The following ZDHHC2 variants were observed in gnomAD, a reference collection of about 807,000 sequenced individuals.
The protein encoded by ZDHHC2 is zDHHC palmitoyltransferase 2.
Under a neutral mutation model 55.6 loss-of-function variants are expected in ZDHHC2, and 51 were observed. The ratio of observed to expected loss-of-function variants is 0.92; its 90% CI spans 0.73 to 1.16. The LOEUF (loss-of-function observed/expected upper bound fraction) is 1.16. Ranked by LOEUF, ZDHHC2 falls within the 50% of genes most tolerant of loss-of-function variation. The pLI is 0.00. For missense variants in ZDHHC2, 491 were observed against 442.4 expected, an observed-to-expected ratio of 1.11 and a Z score of -0.99; for synonymous variants, 199 against 152.9, an observed-to-expected ratio of 1.30 and a Z score of -2.22.
intron 6 of ZDHHC2, among the ~76,000 whole-genome samples, chr8:17,204,128 T>C (rs1306852525): frequency 6.6e-6 from 1 of 152,224 alleles, no homozygotes; most frequent in Non-Finnish European, 1.5e-5. Flanking sequence ...CTTTATAAAT[T>C]ATTTGCCCAT....
chr8:17,156,980 C>G (rs1275286025), intron 1 of ZDHHC2, 127 bp downstream of exon 1: 21 of 841,220 alleles, frequency 2.5e-5, no homozygotes, highest in Non-Finnish European at 2.5e-5. Context: ...CTGCCGCGTC[C>G]CGCCGGCTCC....
intron 6 of ZDHHC2, among the ~76,000 whole-genome samples, chr8:17,204,293 C>T (rs965005260): frequency 2.0e-5 from 3 of 152,074 alleles, no homozygotes; most frequent in African/African-American, 7.2e-5. Flanking sequence ...GTAGCTAAGT[C>T]AATGGAGAGT....
At position 17,208,088 on chromosome 8, in the gene ZDHHC2, A is replaced by T. The variant is rs781736952; in HGVS notation, c.726A>T (p.Thr242=). The change falls in exon 8 of 13, where the codon ACA becomes ACT. Residue 242 remains threonine, a synonymous_variant. Coordinates refer to ENST00000262096, the MANE Select transcript of ZDHHC2 (RefSeq NM_016353.5). The part of the protein sequence containing the change: ...HCWLVSKNKS[T]LEAFRSPVFR... Reference sequence around the variant, plus strand: ...GGCTAGTCAGCAAAAATAAATCTACATTAGGTGAGTATCCAATTATTGTAG... The same window carrying T: ...GGCTAGTCAGCAAAAATAAATCTACTTTAGGTGAGTATCCAATTATTGTAG... The T allele has an allele frequency of 6.4e-7, 1 of 1,564,972 alleles. No homozygotes were observed. The highest frequency in any genetic ancestry group is 8.7e-7 in the Non-Finnish European group (1 of 1,153,216).
At chr8:17,172,321 G>C (rs1021088593) in intron 1 of ZDHHC2, among the ~76,000 whole-genome samples, 1 of 152,090 alleles carries the variant, frequency 6.6e-6, no homozygotes, top group East Asian at 1.9e-4. Context: ...CTTTTAATTC[G>C]TCTCAAAGTG....
intron 6 of ZDHHC2, 130 bp from the exon 7 acceptor site, chr8:17,205,525 A>T (rs1807056232): frequency 3.7e-6 from 4 of 1,086,418 alleles, no homozygotes; most frequent in Non-Finnish European, 3.8e-6. Context: ...GCATAAAGAA[A>T]TCTTATGAGT....
At chr8:17,191,847 G>A (rs1011552914) in intron 3 of ZDHHC2, among the ~76,000 whole-genome samples, 1 of 152,146 alleles carries the variant, frequency 6.6e-6, no homozygotes, top group Non-Finnish European at 1.5e-5. Context: ...CAGTAGAATT[G>A]CTGGGTCATA....
At chr8:17,199,559 GTCT>G (rs1377031087) in intron 6 of ZDHHC2, among the ~76,000 whole-genome samples, 1,436 of 54,022 alleles carry the variant, frequency 0.027, 90 homozygotes, top group Non-Finnish European at 0.057. Flanking sequence ...CTTCGTCTTC[GTCT>G]TCTTCGTCTT....
rs770040135 is a variant in ZDHHC2, at chr8:17,205,667, T to G, written c.489T>G (p.Cys163Trp). 1.9e-6 allele frequency: 3 copies of G among 1,603,194 alleles called. No individual in the cohort carries two copies. The highest frequency in any genetic ancestry group is 2.5e-6 in the Non-Finnish European group (3 of 1,176,748). ...GTTTTGTTAACAGGGTGAACAATTG[T>G]GTTGGATTTTCAAATTATAAGTTCT... ...MDHHCPWVNNCVGFSNYKFFL... is the reference protein window; with the variant it reads ...MDHHCPWVNNWVGFSNYKFFL... Residue 163 changes from cysteine (C) to tryptophan (W), a missense_variant, in exon 7 of 13, where the codon TGT becomes TGG. Transcript: ENST00000262096.
In ZDHHC2 at chr8:17,199,641, C is replaced by T. The variant is rs1272879926; in HGVS notation, c.476+1228C>T. Among the ~76,000 whole-genome samples, 79 of 29,312 alleles carry T rather than the reference C, an allele frequency of 2.7e-3. 2 individuals carry two copies. The highest frequency in any genetic ancestry group is 0.025 in the Middle Eastern group (1 of 40). 19.2% of individuals were successfully genotyped at this position (29,312 alleles called of 152,430 possible). On this transcript the variant is annotated intron_variant, in intron 6 of 12. Coordinates refer to ENST00000262096, the MANE Select transcript of ZDHHC2 (RefSeq NM_016353.5). ...TTCTTCTTCCTTTCTTCTTCTTCTC[C>T]TCCTCCTCCTCCCTCCTCCCTCCTC... is the stretch of plus-strand genomic sequence containing the variant.
intron 6 of ZDHHC2, among the ~76,000 whole-genome samples, chr8:17,203,771 A>G (rs1052370120): frequency 6.6e-6 from 1 of 151,692 alleles, no homozygotes; most frequent in African/African-American, 2.4e-5. Context: ...AACTGTTTCC[A>G]TACAATGTGC....
intron 1 of ZDHHC2, among the ~76,000 whole-genome samples, chr8:17,162,209 C>A (rs1804382062): frequency 6.6e-6 from 1 of 152,162 alleles, no homozygotes; most frequent in African/African-American, 2.4e-5. Flanking sequence ...TGCTATTAAA[C>A]CCTATTAGAG....
At chr8:17,181,881 CT>C (rs1805450555) in intron 1 of ZDHHC2, among the ~76,000 whole-genome samples, 2 of 152,188 alleles carry the variant, frequency 1.3e-5, no homozygotes, top group African/African-American at 4.8e-5. Context: ...TTTGAGCAAT[CT>C]TTTCTTGAAC....
At chr8:17,174,796 C>T (rs533928105) in intron 1 of ZDHHC2, among the ~76,000 whole-genome samples, 4 of 150,946 alleles carry the variant, frequency 2.6e-5, no homozygotes, top group South Asian at 2.1e-4. Context: ...CTGCAGCCTC[C>T]GCCTCCTGGG....
intron 1 of ZDHHC2, among the ~76,000 whole-genome samples, chr8:17,168,166 T>C (rs748847038): frequency 1.1e-4 from 16 of 152,158 alleles, no homozygotes; most frequent in Non-Finnish European, 2.4e-4. Flanking sequence ...CTATTTCCTA[T>C]TGACTGAAAA....
intron 1 of ZDHHC2, among the ~76,000 whole-genome samples, chr8:17,166,674 A>AT (rs1176429031): frequency 6.6e-6 from 1 of 152,198 alleles, no homozygotes; most frequent in Non-Finnish European, 1.5e-5. Flanking sequence ...GAACCAGCAA[A>AT]GAAGACTGAG....
rs1242528428 is a variant in ZDHHC2 at position 17,223,751 on chromosome 8, A to T, written c.*3530A>T. The T allele has an allele frequency of 6.6e-6, 1 of 151,842 alleles. No homozygotes were observed. The highest frequency in any genetic ancestry group is 1.5e-5 in the Non-Finnish European group (1 of 67,756). 9.4% of individuals were successfully genotyped at this position (151,842 alleles called of 1,614,324 possible). On this transcript the variant is annotated 3_prime_UTR_variant, in exon 13 of 13. Transcript: ENST00000262096. ...TTTACAACTGAGCAATCTGTTCCCCACCAGATTTCCTTTAGAATTTATTAC... is the reference window on the plus strand; with the variant it reads ...TTTACAACTGAGCAATCTGTTCCCCTCCAGATTTCCTTTAGAATTTATTAC...
intron 6 of ZDHHC2, among the ~76,000 whole-genome samples, chr8:17,204,071 G>T (rs1171234683): frequency 6.6e-6 from 1 of 152,152 alleles, no homozygotes; most frequent in Non-Finnish European, 1.5e-5. Context: ...CACCCAAAGT[G>T]CTGGGATTAC....
chr8:17,186,290 A>T, intron 2 of ZDHHC2, 41 bp from the exon 3 acceptor site: 1 of 1,321,150 alleles, frequency 7.6e-7, no homozygotes, highest in Non-Finnish European at 1.1e-6. Flanking sequence ...TTTAGTATGT[A>T]TTTGCATATT....
At chr8:17,215,214 A>G in intron 10 of ZDHHC2, 23 bp from the exon 11 acceptor site, 2 of 1,539,984 alleles carry the variant, frequency 1.3e-6, no homozygotes, top group Non-Finnish European at 8.8e-7. Flanking sequence ...GATGATTTTG[A>G]TGATTATTCA....
Sources: allele counts gnomAD v4.1 joint callset (sites outside exome capture counted in the v4.1 genomes callset), GRCh38; gene constraint gnomAD v4.1.1; transcripts MANE v1.5; gene names NCBI Gene and HGNC (gene_info 2026-07-23, HGNC 2026-07-21).